The following ADAMTS2 variants were observed in gnomAD, a reference collection of about 807,000 sequenced individuals.
The protein encoded by ADAMTS2 is ADAM metallopeptidase with thrombospondin type 1 motif 2.
A neutral mutation model predicts 123.0 loss-of-function variants in ADAMTS2; 50 were observed. That is an observed-to-expected ratio of 0.41 (90% CI 0.32 to 0.51). The LOEUF is 0.51. Among genes scored for constraint, ADAMTS2 ranks in the 20% least tolerant of loss-of-function variants. The pLI is 0.35. For synonymous variants in ADAMTS2, 678 were observed against 695.4 expected (o/e 0.98, Z 0.39); for missense variants, 1,494 against 1,705.2 (o/e 0.88, Z 2.18).
In ADAMTS2 at chr5:179,132,249, G is replaced by A. The variant is rs137875904; in HGVS notation, c.2271C>T (p.Asp757=). Residue 757 remains aspartate (D), a synonymous_variant, in exon 15 of 22, where the codon GAC becomes GAT. Transcript: ENST00000251582. The surrounding 1 kb of genome is among the most constrained non-coding windows in gnomAD (Gnocchi z 6.1). The part of the protein sequence containing the change: ...GARHLLIQEV[D]ATSHHLAVKN... The stretch of plus-strand genomic sequence containing the variant: ...ACTCACCCAGATGGTGGCTGGTGGC[G>A]TCTACCTCCTGAATGAGCAGGTGTC... 4.5e-5 allele frequency: 72 copies of A among 1,614,028 alleles called. No individual in the cohort carries two copies. The African/African-American group carries it at 6.3e-4, about 14-fold the overall frequency.
At chr5:179,296,394 G>T (rs1581253588) in intron 2 of ADAMTS2, among the ~76,000 whole-genome samples, 2 of 152,174 alleles carry the variant, frequency 1.3e-5, no homozygotes, top group Admixed American at 6.5e-5. Flanking sequence ...AGGTCCCAAG[G>T]GGGGATGCTG....
At chr5:179,235,494 C>T (rs899192527) in intron 3 of ADAMTS2, among the ~76,000 whole-genome samples, 6 of 152,180 alleles carry the variant, frequency 3.9e-5, no homozygotes, top group African/African-American at 1.2e-4. Context: ...GACCCCAAAT[C>T]GAATGAGCGA....
chr5:179,307,194 C>T lies in ADAMTS2; in HGVS notation c.535-34130G>A, dbSNP rs1240336996. Among the ~76,000 whole-genome samples the T allele has an allele frequency of 6.6e-6, 1 of 152,126 alleles. No homozygotes were observed. Among genetic ancestry groups the T allele is most frequent in the Non-Finnish European group, 1.5e-5 (1 of 68,010 alleles). On this transcript the variant is annotated intron_variant, in intron 2 of 21. Transcript: ENST00000251582. The surrounding 1 kb of genome is among the most constrained non-coding windows in gnomAD (Gnocchi z 5.6). ...GGCCCGCACTGCAGAGCTGCCCCGG[C>T]CCACGCGCCCCTGCCCTGCTGTGCT... is the stretch of plus-strand genomic sequence containing the variant.
rs561983781 is a variant in ADAMTS2, at chr5:179,162,318, A to C, written c.976-3439T>G. The stretch of plus-strand genomic sequence containing the variant: ...CTGGCCACCATGAAGGATCAGGGTG[A>C]ACATACAACCAAAGCGGGCCAAGGA... On this transcript the variant is annotated intron_variant, in intron 5 of 21. Coordinates refer to ENST00000251582, the MANE Select transcript of ADAMTS2 (RefSeq NM_014244.5). This position sits in a 1 kb window ranked among gnomAD's most constrained non-coding sequence, Gnocchi z 5.1. Among the ~76,000 whole-genome samples the C allele has an allele frequency of 5.9e-5, 9 of 152,282 alleles. No homozygotes were observed. Among genetic ancestry groups the C allele is most frequent in the African/African-American group, 2.2e-4 (9 of 41,558 alleles).
chr5:179,277,866 T>C (rs184481286), intron 2 of ADAMTS2, among the ~76,000 whole-genome samples: 1 of 566 alleles, frequency 1.8e-3, no homozygotes, highest in Non-Finnish European at 3.4e-3. Context: ...TGACCCCCCC[T>C]GAGACCAAAG....
At chr5:179,179,363 T>A (rs1763998614) in intron 5 of ADAMTS2, among the ~76,000 whole-genome samples, 1 of 151,856 alleles carries the variant, frequency 6.6e-6, no homozygotes. Context: ...ATGGACAAAA[T>A]CGTTTTAGCT....
intron 3 of ADAMTS2, among the ~76,000 whole-genome samples, chr5:179,208,063 T>C (rs1764751301): frequency 1.4e-5 from 1 of 71,794 alleles, no homozygotes; most frequent in South Asian, 4.6e-4. Flanking sequence ...GTCTGCCTTA[T>C]GGAGCCCAGG....
intron 2 of ADAMTS2, among the ~76,000 whole-genome samples, chr5:179,287,689 C>T (rs1221162146): frequency 6.6e-6 from 1 of 152,238 alleles, no homozygotes; most frequent in African/African-American, 2.4e-5. Context: ...AGCAGGTCCC[C>T]AGTCTCGAGG....
intron 20 of ADAMTS2, among the ~76,000 whole-genome samples, 159 bp downstream of exon 20, chr5:179,122,485 T>C (rs1044071134): frequency 2.6e-5 from 4 of 152,132 alleles, no homozygotes; most frequent in Non-Finnish European, 4.4e-5. Flanking sequence ...CAGGCAAAGG[T>C]CCCAGACCTG....
chr5:179,239,482 T>C (rs780379320), intron 3 of ADAMTS2, among the ~76,000 whole-genome samples: 5 of 151,964 alleles, frequency 3.3e-5, no homozygotes, highest in Non-Finnish European at 4.4e-5. Flanking sequence ...CAAATTGAGG[T>C]TGGCAAGTAG....
At position 179,262,435 on chromosome 5, in the gene ADAMTS2, C is replaced by T. The variant is rs576274667; in HGVS notation, c.688+10476G>A. Among the ~76,000 whole-genome samples the T allele has an allele frequency of 2.0e-5, 3 of 152,096 alleles. No homozygotes were observed. Among genetic ancestry groups the T allele is most frequent in the East Asian group, 1.9e-4 (1 of 5,188 alleles). ...CCGAAAACCCTCCAAAGGCCTCCAC[C>T]GCACAGGGAATGAATTCTCACCCCG... On this transcript the variant is annotated intron_variant, in intron 3 of 21. Transcript: ENST00000251582. This position sits in a 1 kb window ranked among gnomAD's most constrained non-coding sequence, Gnocchi z 5.9.
chr5:179,232,227 A>C (rs1457675509), intron 3 of ADAMTS2, among the ~76,000 whole-genome samples: 1 of 152,160 alleles, frequency 6.6e-6, no homozygotes, highest in Non-Finnish European at 1.5e-5. Flanking sequence ...CGGCTGTTAC[A>C]TTGCACCAAT....
chr5:179,198,826 T>C (rs1423569184), intron 4 of ADAMTS2, among the ~76,000 whole-genome samples: 1 of 147,854 alleles, frequency 6.8e-6, no homozygotes. Context: ...AGAGCAAGAC[T>C]CTATCTCAAG....
intron 13 of ADAMTS2, among the ~76,000 whole-genome samples, chr5:179,135,590 G>A (rs1763052376): frequency 6.6e-6 from 1 of 152,052 alleles, no homozygotes; most frequent in Non-Finnish European, 1.5e-5. Flanking sequence ...TGTAGGTCAC[G>A]TGCATTGGAA....
intron 3 of ADAMTS2, among the ~76,000 whole-genome samples, chr5:179,236,856 T>C (rs1367464663): frequency 6.6e-6 from 1 of 152,288 alleles, no homozygotes; most frequent in East Asian, 1.9e-4. Flanking sequence ...AAAATTCATA[T>C]GTTGAAACCT....
chr5:179,278,787 C>T (rs1212993639), intron 2 of ADAMTS2, among the ~76,000 whole-genome samples: 2 of 151,956 alleles, frequency 1.3e-5, no homozygotes, highest in African/African-American at 4.8e-5. Context: ...GTACCCGGGT[C>T]ATCAAGTCAA....
Position 179,245,765 on chromosome 5 carries a change from CAAAAAAAAAAA to C in ADAMTS2, c.688+27135_688+27145del, listed in dbSNP as rs1171837041. ...TGGGCGACAGAGCGAGACTCCGTCT[CAAAAAAAAAAA>C]AAAAAAAAAAAAAAAAAAACAAAAA... On this transcript the variant is annotated intron_variant, in intron 3 of 21. Coordinates refer to ENST00000251582, the MANE Select transcript of ADAMTS2 (RefSeq NM_014244.5). Among the ~76,000 whole-genome samples the C allele has an allele frequency of 9.9e-4, 17 of 17,204 alleles. 1 individual carries two copies. In the East Asian group the frequency reaches 0.036, roughly 37 times the overall value. The allele number at this position is 17,204 out of a possible 152,430, so 11.3% of individuals were successfully genotyped here.
chr5:179,142,224 T>G (rs892823838), intron 10 of ADAMTS2, among the ~76,000 whole-genome samples: 3 of 152,200 alleles, frequency 2.0e-5, no homozygotes, highest in African/African-American at 7.2e-5. Flanking sequence ...AGGAGGCCAA[T>G]GGTCCTAATA....
chr5:179,345,182 G>T lies in ADAMTS2; in HGVS notation c.139+8C>A, dbSNP rs1435216519. 2 of 1,103,710 alleles carry T rather than the reference G, an allele frequency of 1.8e-6. No individual in the cohort carries two copies. The highest frequency in any genetic ancestry group is 2.2e-6 in the Non-Finnish European group (2 of 910,250). The allele number at this position is 1,103,710 out of a possible 1,614,324, so 68.4% of individuals were successfully genotyped here. A position where few individuals can be genotyped will look rare whatever the true frequency, so the allele number is the denominator to read the frequency against. ...GGTCCCGGGGAGTAGGGGCCGGGCC[G>T]CACCTACCTGGGGGGTCGGCGGCGG... On this transcript the variant is annotated splice_region_variant and intron_variant, in intron 1 of 21. Coordinates refer to ENST00000251582, the MANE Select transcript of ADAMTS2 (RefSeq NM_014244.5). The surrounding 1 kb of genome is among the most constrained non-coding windows in gnomAD (Gnocchi z 7.5).
Sources: gnomAD v4.1 joint callset for allele counts (sites outside exome capture counted in the v4.1 genomes callset) on GRCh38, gnomAD v4.1.1 for gene constraint, Gnocchi (gnomAD v3.1) non-coding constraint, MANE v1.5 for transcripts, NCBI Gene and HGNC (gene_info 2026-07-23, HGNC 2026-07-21) for gene names.